The following GRID1 variants were observed in gnomAD, a reference collection of about 807,000 sequenced individuals.
GRID1 encodes the protein glutamate receptor ionotropic, delta-1.
Under a neutral mutation model 98.0 loss-of-function variants are expected in GRID1, and 28 were observed. The observed-to-expected ratio is 0.29, with a 90% confidence interval of 0.21 to 0.39. The LOEUF (loss-of-function observed/expected upper bound fraction) is 0.39, where lower values mean the gene tolerates loss of function less well. Ranked by LOEUF, GRID1 falls within the 10% of genes least tolerant of loss-of-function variation. The probability of loss-of-function intolerance (pLI) is 1.00; values close to 1 mark genes in which losing one functional copy is unlikely to be tolerated. For synonymous variants in GRID1, 553 were observed against 538.5 expected (o/e 1.03, Z -0.37); for missense variants, 1,111 against 1,340.5 (o/e 0.83, Z 2.67).
chr10:85,912,814 T>C (rs1841559040), intron 5 of GRID1, among the ~76,000 whole-genome samples: 1 of 152,242 alleles, frequency 6.6e-6, no homozygotes, highest in Non-Finnish European at 1.5e-5. Flanking sequence ...TTTTCTTTAT[T>C]TTCCCCCTTA....
At chr10:86,006,573 G>GCTCCTC (rs1238866397) in intron 4 of GRID1, among the ~76,000 whole-genome samples, 1 of 151,856 alleles carries the variant, frequency 6.6e-6, no homozygotes, top group Non-Finnish European at 1.5e-5. Context: ...AGCTGAGATT[G>GCTCCTC]CGCCACTGCA....
intron 12 of GRID1, among the ~76,000 whole-genome samples, chr10:85,658,699 A>G (rs10788462): frequency 0.64 from 97,882 of 152,020 alleles, 32,461 homozygotes; most frequent in African/African-American, 0.81. Flanking sequence ...AGGAACTGGG[A>G]CTGTGGGCAA....
chr10:85,902,567 G>C lies in GRID1; in HGVS notation c.780+13619C>G, dbSNP rs138466880. On this transcript the variant is annotated intron_variant, in intron 5 of 15. Coordinates refer to ENST00000327946, the MANE Select transcript of GRID1 (RefSeq NM_017551.3). ...CTAAGTTATGAAAAATTCAGATATT[G>C]CTGGGATTCCATAACTTATTCAGCA... Among the ~76,000 whole-genome samples the C allele has an allele frequency of 9.1e-3, 1,387 of 152,238 alleles. 17 individuals carry two copies. Among genetic ancestry groups the C allele is most frequent in the African/African-American group, 0.027 (1,113 of 41,526 alleles).
intron 2 of GRID1, among the ~76,000 whole-genome samples, chr10:86,301,665 C>T (rs1336013292): frequency 6.6e-6 from 1 of 152,150 alleles, no homozygotes; most frequent in Non-Finnish European, 1.5e-5. Context: ...AAAGCCAGTG[C>T]ATCCAAAAGC....
At chr10:85,700,827 T>C (rs1260928375) in intron 12 of GRID1, among the ~76,000 whole-genome samples, 1 of 152,200 alleles carries the variant, frequency 6.6e-6, no homozygotes, top group Non-Finnish European at 1.5e-5. Context: ...TCAGTTCTCT[T>C]GGATGCTGGC....
At position 85,769,211 on chromosome 10, in the gene GRID1, A is replaced by G. The variant is rs995205469; in HGVS notation, c.1234-39597T>C. 3.3e-5 allele frequency among the ~76,000 whole-genome samples: 5 copies of G among 152,364 alleles called. No homozygotes were observed. The East Asian group carries it at 9.6e-4, about 29-fold the overall frequency. On this transcript the variant is annotated intron_variant, in intron 8 of 15. Transcript: ENST00000327946. Reference sequence around the variant, plus strand: ...GAATAAAATCATGTCCTTTGCAGCAACATGGGTGCAGCTGGAGGCCATTAT... The same window carrying G: ...GAATAAAATCATGTCCTTTGCAGCAGCATGGGTGCAGCTGGAGGCCATTAT...
chr10:86,364,195 G>A (rs893510611), intron 1 of GRID1, 99 bp from the exon 2 acceptor site: 1 of 965,820 alleles, frequency 1.0e-6, no homozygotes, highest in Non-Finnish European at 1.6e-6. Context: ...ATGATTGCCG[G>A]GTGGTGGGAA....
chr10:86,265,453 G>A (rs2607862), intron 2 of GRID1, among the ~76,000 whole-genome samples: 6,252 of 152,326 alleles, frequency 0.041, 238 homozygotes, highest in Admixed American at 0.11. Flanking sequence ...TACAGATGAG[G>A]ACACTGAGGC....
chr10:86,357,685 C>T (rs535162978), intron 2 of GRID1, among the ~76,000 whole-genome samples: 8 of 152,126 alleles, frequency 5.3e-5, no homozygotes, highest in Non-Finnish European at 1.2e-4. Context: ...AGGAGTGACT[C>T]CAGAATGAAG....
At chr10:85,710,315 C>T (rs1400140295) in intron 12 of GRID1, among the ~76,000 whole-genome samples, 1 of 151,978 alleles carries the variant, frequency 6.6e-6, no homozygotes, top group African/African-American at 2.4e-5. Flanking sequence ...TGAAATAAAC[C>T]CTCTTGGGTA....
chr10:86,011,676 T>C (rs1440467391), intron 4 of GRID1, among the ~76,000 whole-genome samples: 1 of 152,164 alleles, frequency 6.6e-6, no homozygotes, highest in East Asian at 1.9e-4. Flanking sequence ...TTCACTGATA[T>C]GGAAGCACTT....
At chr10:86,235,095 G>C (rs567555218) in intron 2 of GRID1, among the ~76,000 whole-genome samples, 1 of 152,350 alleles carries the variant, frequency 6.6e-6, no homozygotes, top group African/African-American at 2.4e-5. Flanking sequence ...GCCAGAGCCT[G>C]GCCAGCTCTC....
chr10:86,113,288 C>T (rs1383856552), intron 4 of GRID1, among the ~76,000 whole-genome samples: 1 of 152,178 alleles, frequency 6.6e-6, no homozygotes, highest in Non-Finnish European at 1.5e-5. Flanking sequence ...TCTCACCCAC[C>T]TCTCTGACCC....
chr10:85,787,513 G>T (rs1842440148), intron 8 of GRID1, among the ~76,000 whole-genome samples: 1 of 152,132 alleles, frequency 6.6e-6, no homozygotes, highest in Admixed American at 6.6e-5. Context: ...CCTCCCACAG[G>T]AACTGGAGCT....
chr10:85,977,958 C>T (rs185281640), intron 4 of GRID1, among the ~76,000 whole-genome samples: 1 of 152,308 alleles, frequency 6.6e-6, no homozygotes, highest in East Asian at 1.9e-4. Context: ...ACAGACGCCA[C>T]TCCAGGGCCC....
intron 4 of GRID1, among the ~76,000 whole-genome samples, chr10:85,995,960 C>T (rs888783861): frequency 2.6e-5 from 4 of 152,196 alleles, no homozygotes; most frequent in Non-Finnish European, 5.9e-5. Flanking sequence ...AGACAGATTA[C>T]CATTAGGTTC....
intron 3 of GRID1, among the ~76,000 whole-genome samples, chr10:86,153,251 C>T (rs1845195482): frequency 6.6e-6 from 1 of 152,208 alleles, no homozygotes; most frequent in African/African-American, 2.4e-5. Flanking sequence ...CTCAGGTATT[C>T]CAGCTCACCA....
At chr10:86,063,598 T>A (rs1182737555) in intron 4 of GRID1, among the ~76,000 whole-genome samples, 2 of 151,744 alleles carry the variant, frequency 1.3e-5, no homozygotes, top group African/African-American at 2.4e-5. Context: ...AACCATAATG[T>A]GCTTAACCAA....
intron 5 of GRID1, among the ~76,000 whole-genome samples, chr10:85,911,580 G>A (rs980378740): frequency 6.6e-6 from 1 of 152,184 alleles, no homozygotes; most frequent in African/African-American, 2.4e-5. Context: ...CAAAGGTTAT[G>A]TGTGCATACC....
Sources: allele counts gnomAD v4.1 joint callset (sites outside exome capture counted in the v4.1 genomes callset), GRCh38; gene constraint gnomAD v4.1.1; transcripts MANE v1.5; gene names NCBI Gene and HGNC (gene_info 2026-07-23, HGNC 2026-07-21).